DMD: variants seen among roughly 807,000 people sequenced by gnomAD.
DMD encodes the protein mutant dystrophin.
In DMD, 63 loss-of-function variants were observed where a neutral mutation model predicts 330.1. That is an observed-to-expected ratio of 0.19 (90% CI 0.16 to 0.24). The LOEUF (loss-of-function observed/expected upper bound fraction) is 0.24. Among genes scored for constraint, DMD ranks in the 10% least tolerant of loss-of-function variants. The probability of loss-of-function intolerance (pLI) is 1.00; values close to 1 mark genes in which losing one functional copy is unlikely to be tolerated. For synonymous variants in DMD, 1,223 were observed against 959.8 expected (o/e 1.27, Z -5.07); for missense variants, 3,344 against 2,684.1 (o/e 1.25, Z -5.43).
intron 2 of DMD, among the ~76,000 whole-genome samples, chrX:32,916,108 A>AT (rs1301769930): frequency 9.8e-5 from 11 of 111,700 alleles, no homozygotes; most frequent in African/African-American, 3.6e-4. Flanking sequence ...TTAGAGTACC[A>AT]TATGAAATGA....
At chrX:32,892,451 C>T (rs746835650) in intron 2 of DMD, among the ~76,000 whole-genome samples, 6 of 111,982 alleles carry the variant, frequency 5.4e-5, no homozygotes, top group East Asian at 2.8e-4. Flanking sequence ...TGGAGCGCAA[C>T]GGTGCGATCT....
intron 9 of DMD, among the ~76,000 whole-genome samples, chrX:32,691,725 C>A (rs1021267978): frequency 4.5e-5 from 5 of 111,356 alleles, no homozygotes; most frequent in African/African-American, 1.6e-4. Flanking sequence ...ATTGCAACAC[C>A]ATTCACAAGA....
At chrX:32,185,810 CAG>C (rs2096943723) in intron 44 of DMD, among the ~76,000 whole-genome samples, 1 of 110,023 alleles carries the variant, frequency 9.1e-6, no homozygotes, top group Non-Finnish European at 1.9e-5. Context: ...ATGTATAGCA[CAG>C]AGACACCCCC....
chrX:31,417,681 AT>A (rs1182582362), intron 60 of DMD, among the ~76,000 whole-genome samples: 22 of 108,519 alleles, frequency 2.0e-4, no homozygotes, highest in African/African-American at 7.0e-4. Flanking sequence ...CAGCAAATAT[AT>A]TATCACTTCT....
chrX:32,236,684 A>G lies in DMD; in HGVS notation c.6291-19621T>C, dbSNP rs140928527. Among the ~76,000 whole-genome samples, 494 of 111,744 alleles carry G rather than the reference A, an allele frequency of 4.4e-3. 3 individuals are homozygous for G. Among genetic ancestry groups the G allele is most frequent in the African/African-American group, 0.015 (464 of 30,764 alleles). ...ACTTGCTCCTCCTTGCCTTCTGCCA[A>G]GATTGTGAGGCCTCCCCAGCTGTGT... On this transcript the variant is annotated intron_variant, in intron 43 of 78. Coordinates refer to ENST00000357033, the MANE Select transcript of DMD (RefSeq NM_004006.3).
At position 33,070,122 on chromosome X, in the gene DMD, A is replaced by T. The variant is rs1230985796; in HGVS notation, c.32-49922T>A. 3.6e-5 allele frequency among the ~76,000 whole-genome samples: 4 copies of T among 112,079 alleles called. No individual in the cohort carries two copies. The South Asian group carries it at 1.5e-3, about 42-fold the overall frequency. On this transcript the variant is annotated intron_variant, in intron 1 of 78. Transcript: ENST00000357033. ...AAAGCCTGCTAGCAGATTGCCTAGA[A>T]AGAAAAATGAAGCCATTCTAATATG...
intron 55 of DMD, among the ~76,000 whole-genome samples, chrX:31,528,453 G>A (rs2073416467): frequency 1.8e-5 from 2 of 111,746 alleles, no homozygotes; most frequent in African/African-American, 6.5e-5. Context: ...TGATACATAC[G>A]TATAGTCACA....
chrX:32,645,293 G>A lies in DMD; in HGVS notation c.961-141C>T, dbSNP rs961164547. 4.8e-6 allele frequency: 3 copies of A among 619,058 alleles called. No homozygotes were observed. The African/African-American group carries it at 6.8e-5, about 14-fold the overall frequency. The allele number at this position is 619,058 out of a possible 1,213,427, so 51.0% of individuals were successfully genotyped here. A position where few individuals can be genotyped will look rare whatever the true frequency, so the allele number is the denominator to read the frequency against. On this transcript the variant is annotated intron_variant, in intron 9 of 78. Coordinates refer to ENST00000357033, the MANE Select transcript of DMD (RefSeq NM_004006.3). ...ATCAAACACAGGAACAGCAGATACA[G>A]ACAATAGGGAGTTTTCATTTTAACT...
chrX:32,765,959 TA>T (rs1296639650), intron 7 of DMD, among the ~76,000 whole-genome samples: 1 of 111,675 alleles, frequency 9.0e-6, no homozygotes, highest in South Asian at 3.7e-4. Flanking sequence ...GTGGCTTCAT[TA>T]AAAAATCATT....
chrX:33,165,087 C>A lies in DMD; in HGVS notation c.31+46195G>T, dbSNP rs943394158. ...GTTTAGGAATTTAGTTTAAATTTGA[C>A]TAATAGCATACAGTTTTCTACCTCA... is the stretch of plus-strand genomic sequence containing the variant. On this transcript the variant is annotated intron_variant, in intron 1 of 78. Transcript: ENST00000357033. Among the ~76,000 whole-genome samples the A allele has an allele frequency of 2.7e-5, 3 of 110,510 alleles. No individual in the cohort carries two copies. In the East Asian group the frequency reaches 8.5e-4, roughly 31 times the overall value.
intron 54 of DMD, among the ~76,000 whole-genome samples, chrX:31,652,117 G>A (rs1421452057): frequency 9.0e-6 from 1 of 111,551 alleles, no homozygotes; most frequent in African/African-American, 3.3e-5. Flanking sequence ...CCTGCTTTGG[G>A]GCATTTTAAC....
At chrX:33,169,438 C>G (rs1412004843) in intron 1 of DMD, among the ~76,000 whole-genome samples, 1 of 111,175 alleles carries the variant, frequency 9.0e-6, no homozygotes. Context: ...CTTCAAAGGA[C>G]AAAACAAAGA....
chrX:33,185,322 T>A (rs1172605537), intron 1 of DMD, among the ~76,000 whole-genome samples: 1 of 111,324 alleles, frequency 9.0e-6, no homozygotes, highest in Non-Finnish European at 1.9e-5. Context: ...GGGCTCAAAA[T>A]CTCATATCTG....
intron 7 of DMD, among the ~76,000 whole-genome samples, chrX:32,713,103 CTA>C (rs1454367355): frequency 8.9e-6 from 1 of 111,755 alleles, no homozygotes; most frequent in African/African-American, 3.2e-5. Context: ...TCATGTCATA[CTA>C]TGTTAAGTAT....
At chrX:32,841,269 G>A (rs1048425994) in intron 4 of DMD, among the ~76,000 whole-genome samples, 11 of 110,988 alleles carry the variant, frequency 9.9e-5, no homozygotes, top group Admixed American at 2.9e-4. Flanking sequence ...ACAGAAGACT[G>A]GGATACTCCA....
At chrX:32,370,988 T>G (rs947846544) in intron 34 of DMD, among the ~76,000 whole-genome samples, 3 of 110,860 alleles carry the variant, frequency 2.7e-5, no homozygotes, top group African/African-American at 9.8e-5. Context: ...CTAGTTAGAG[T>G]TAGACCAATT....
intron 42 of DMD, among the ~76,000 whole-genome samples, chrX:32,302,218 T>G: frequency 9.0e-6 from 1 of 111,315 alleles, no homozygotes; most frequent in Non-Finnish European, 1.9e-5. Flanking sequence ...TTCAACACTT[T>G]ACTATAAAAT....
intron 7 of DMD, among the ~76,000 whole-genome samples, chrX:32,791,657 C>T (rs1044092313): frequency 8.9e-6 from 1 of 111,832 alleles, no homozygotes. Context: ...AACATGAAAA[C>T]AGGTCTTTTA....
intron 44 of DMD, among the ~76,000 whole-genome samples, chrX:32,154,600 C>A (rs1232792204): frequency 9.0e-6 from 1 of 111,417 alleles, no homozygotes; most frequent in African/African-American, 3.3e-5. Flanking sequence ...AGGAAGGCAG[C>A]TATGTATATA....
Sources: gnomAD v4.1 joint callset for allele counts (sites outside exome capture counted in the v4.1 genomes callset) on GRCh38, gnomAD v4.1.1 for gene constraint, MANE v1.5 for transcripts, NCBI Gene and HGNC (gene_info 2026-07-23, HGNC 2026-07-21) for gene names.